The following ARHGAP42 variants were observed in gnomAD, a reference collection of about 807,000 sequenced individuals.
ARHGAP42 encodes the protein Rho GTPase activating protein 42, also known as rho GTPase-activating protein 42.
Under a neutral mutation model 125.0 loss-of-function variants are expected in ARHGAP42, and 63 were observed. That is an observed-to-expected ratio of 0.50 (90% confidence interval 0.41 to 0.62). The LOEUF (loss-of-function observed/expected upper bound fraction) is 0.62, where lower values mean the gene tolerates loss of function less well. Among genes scored for constraint, ARHGAP42 ranks in the 20% least tolerant of loss-of-function variants. The pLI, the probability that ARHGAP42 is intolerant of heterozygous loss-of-function variation, is 0.00. For missense variants in ARHGAP42, 766 were observed against 1,024.2 expected (o/e 0.75, Z 3.44); for synonymous variants, 339 against 351.0 (o/e 0.97, Z 0.38).
chr11:100,895,401 A>G (rs1032367345), intron 4 of ARHGAP42, among the ~76,000 whole-genome samples: 4 of 151,760 alleles, frequency 2.6e-5, no homozygotes, highest in Non-Finnish European at 4.4e-5. Context: ...TATCCTGGGG[A>G]GTCCTACAAT....
At chr11:100,982,850 A>G (rs1354384519) in intron 22 of ARHGAP42, among the ~76,000 whole-genome samples, 1 of 152,210 alleles carries the variant, frequency 6.6e-6, no homozygotes, top group Non-Finnish European at 1.5e-5. Flanking sequence ...AGTGAGTTTG[A>G]GTTTTTAAAA....
intron 23 of ARHGAP42, among the ~76,000 whole-genome samples, chr11:100,988,500 C>T (rs959962350): frequency 5.3e-5 from 8 of 152,052 alleles, no homozygotes; most frequent in African/African-American, 1.9e-4. Flanking sequence ...TTAAAGCATA[C>T]AGGGGGATGT....
chr11:100,697,985 A>G (rs910394900), intron 1 of ARHGAP42, among the ~76,000 whole-genome samples: 1 of 152,228 alleles, frequency 6.6e-6, no homozygotes, highest in Admixed American at 6.5e-5. Flanking sequence ...ACTCTGTAAT[A>G]CTAGAGAATC....
chr11:100,896,460 T>C (rs1199614054), intron 4 of ARHGAP42, among the ~76,000 whole-genome samples: 1 of 152,218 alleles, frequency 6.6e-6, no homozygotes, highest in Non-Finnish European at 1.5e-5. Context: ...CCACCAACAG[T>C]GTAAAAGCTT....
intron 1 of ARHGAP42, among the ~76,000 whole-genome samples, chr11:100,753,009 C>T (rs1862494588): frequency 6.6e-6 from 1 of 152,128 alleles, no homozygotes; most frequent in South Asian, 2.1e-4. Flanking sequence ...ACTCTGGTTT[C>T]CAGATGATGA....
chr11:100,903,895 A>T (rs1480626731), intron 4 of ARHGAP42, among the ~76,000 whole-genome samples: 1 of 151,616 alleles, frequency 6.6e-6, no homozygotes, highest in Admixed American at 6.6e-5. Context: ...CGAGGGCAGG[A>T]AGCATCCAGC....
chr11:100,734,578 A>T (rs1422818491), intron 1 of ARHGAP42, among the ~76,000 whole-genome samples: 1 of 152,184 alleles, frequency 6.6e-6, no homozygotes, highest in African/African-American at 2.4e-5. Flanking sequence ...ACCACGCCCA[A>T]CCAGAGTCCA....
At chr11:100,779,413 C>T (rs1284016377) in intron 2 of ARHGAP42, among the ~76,000 whole-genome samples, 1 of 134,998 alleles carries the variant, frequency 7.4e-6, no homozygotes, top group Non-Finnish European at 1.5e-5. Context: ...CCGTTGCACT[C>T]TAGCCTGGGC....
intron 17 of ARHGAP42, among the ~76,000 whole-genome samples, chr11:100,966,299 C>A (rs1439873554): frequency 6.6e-6 from 1 of 152,128 alleles, no homozygotes; most frequent in Non-Finnish European, 1.5e-5. Flanking sequence ...CCAGAGCTAT[C>A]TGCAGAAACA....
intron 17 of ARHGAP42, among the ~76,000 whole-genome samples, chr11:100,967,333 A>G (rs1858121124): frequency 6.6e-6 from 1 of 152,186 alleles, no homozygotes; most frequent in African/African-American, 2.4e-5. Flanking sequence ...TAAATATTTA[A>G]AAGTGTTATT....
chr11:100,742,941 C>G (rs1862219903), intron 1 of ARHGAP42, among the ~76,000 whole-genome samples: 1 of 152,028 alleles, frequency 6.6e-6, no homozygotes, highest in Non-Finnish European at 1.5e-5. Context: ...ATCCCTTTAC[C>G]TTGGATTTAT....
At chr11:100,863,076 ACAC>A (rs377002722) in intron 4 of ARHGAP42, among the ~76,000 whole-genome samples, 7 of 120,992 alleles carry the variant, frequency 5.8e-5, no homozygotes, top group Admixed American at 2.3e-4. Context: ...ACACACACAC[ACAC>A]ACAACAACAA....
chr11:100,715,032 CA>C (rs1224670938), intron 1 of ARHGAP42, among the ~76,000 whole-genome samples: 6 of 112,936 alleles, frequency 5.3e-5, no homozygotes, highest in African/African-American at 2.2e-4. Flanking sequence ...CTGGGCGATG[CA>C]GTGAAACCCT....
chr11:100,900,067 G>A (rs1403175282), intron 4 of ARHGAP42, among the ~76,000 whole-genome samples: 2 of 151,322 alleles, frequency 1.3e-5, no homozygotes, highest in Non-Finnish European at 2.9e-5. Context: ...TCCATGTTTA[G>A]TGCTACCTTC....
intron 4 of ARHGAP42, among the ~76,000 whole-genome samples, chr11:100,891,098 C>T (rs1469907224): frequency 6.6e-6 from 1 of 152,172 alleles, no homozygotes; most frequent in Non-Finnish European, 1.5e-5. Flanking sequence ...TTTTCTGAGG[C>T]ATGTGAGACA....
At chr11:100,938,031 T>A (rs887719288) in intron 8 of ARHGAP42, among the ~76,000 whole-genome samples, 3 of 150,378 alleles carry the variant, frequency 2.0e-5, no homozygotes, top group African/African-American at 7.3e-5. Flanking sequence ...ATAAAGCCCT[T>A]TGTGGTACTG....
chr11:100,863,843 C>T (rs1197503030), intron 4 of ARHGAP42, among the ~76,000 whole-genome samples: 1 of 152,118 alleles, frequency 6.6e-6, no homozygotes, highest in Non-Finnish European at 1.5e-5. Context: ...GGTTTAAATT[C>T]TAGAATACTA....
At chr11:100,750,988 G>C (rs1862436985) in intron 1 of ARHGAP42, among the ~76,000 whole-genome samples, 2 of 149,100 alleles carry the variant, frequency 1.3e-5, no homozygotes, top group South Asian at 4.2e-4. Flanking sequence ...ACCCAGGCTG[G>C]AGTGCAATGG....
chr11:100,962,236 A>G (rs1028437498), intron 15 of ARHGAP42, among the ~76,000 whole-genome samples, 173 bp from the exon 16 acceptor site: 23 of 152,036 alleles, frequency 1.5e-4, no homozygotes, highest in African/African-American at 5.6e-4. Flanking sequence ...TGGCCCCACT[A>G]CTGGAACTTT....
Sources: allele counts gnomAD v4.1 joint callset (sites outside exome capture counted in the v4.1 genomes callset), GRCh38; gene constraint gnomAD v4.1.1; transcripts MANE v1.5; gene names NCBI Gene and HGNC (gene_info 2026-07-23, HGNC 2026-07-21).